SVIL: variants seen among roughly 807,000 people sequenced by gnomAD.
The protein encoded by SVIL is supervillin.
In SVIL, 101 loss-of-function variants were observed where a neutral mutation model predicts 240.4. That is an observed-to-expected ratio of 0.42 (90% CI 0.36 to 0.50). The LOEUF (loss-of-function observed/expected upper bound fraction) is 0.50, where lower values mean the gene tolerates loss of function less well. SVIL is among the 20% of genes least tolerant of loss of function. SVIL has a pLI of 0.01. For missense variants in SVIL, 2,512 were observed against 2,818.7 expected (o/e 0.89, Z 2.46); for synonymous variants, 999 against 1,100.0 (o/e 0.91, Z 1.82).
At chr10:29,699,041 G>T (rs1159067582) in intron 1 of SVIL, among the ~76,000 whole-genome samples, 1 of 152,202 alleles carries the variant, frequency 6.6e-6, no homozygotes, top group East Asian at 1.9e-4. Flanking sequence ...TGGTCCACAG[G>T]CTGGATCTAA....
intron 1 of SVIL, among the ~76,000 whole-genome samples, chr10:29,626,663 G>C (rs1051460328): frequency 5.3e-5 from 8 of 152,160 alleles, no homozygotes; most frequent in African/African-American, 1.9e-4. Context: ...AAAGAAAATA[G>C]ACATACTTAA....
At chr10:29,489,118 G>A (rs1179738144) in intron 22 of SVIL, among the ~76,000 whole-genome samples, 1 of 152,212 alleles carries the variant, frequency 6.6e-6, no homozygotes, top group African/African-American at 2.4e-5. Context: ...ATGTCCAAAT[G>A]TATAGATGCC....
At chr10:29,536,191 G>T in intron 6 of SVIL, 122 bp from the exon 7 acceptor site, 1 of 926,488 alleles carries the variant, frequency 1.1e-6, no homozygotes, top group Admixed American at 2.2e-5. Flanking sequence ...ACTTATAAGT[G>T]GGAGTTAAAC....
chr10:29,666,656 C>T (rs1279387151), intron 2 of SVIL, among the ~76,000 whole-genome samples: 1 of 152,196 alleles, frequency 6.6e-6, no homozygotes, highest in Non-Finnish European at 1.5e-5. Flanking sequence ...CTGAGTACAA[C>T]ACACTGTGTT....
At chr10:29,483,507 G>A (rs1260620829) in intron 27 of SVIL, 1 of 152,208 alleles carries the variant, frequency 6.6e-6, no homozygotes, top group Non-Finnish European at 1.5e-5. Flanking sequence ...TTTTTAAAAG[G>A]CCCCTCAGGT....
chr10:29,645,261 CAAT>C, intron 3 of SVIL, among the ~76,000 whole-genome samples: 1 of 151,860 alleles, frequency 6.6e-6, no homozygotes, highest in Admixed American at 6.6e-5. Context: ...AAAGCCTCAA[CAAT>C]GAGGGGGAAA....
At chr10:29,634,167 C>A (rs1958220117) in intron 1 of SVIL, among the ~76,000 whole-genome samples, 1 of 151,500 alleles carries the variant, frequency 6.6e-6, no homozygotes, top group Non-Finnish European at 1.5e-5. Flanking sequence ...AGTATTAAAC[C>A]TTTCTCTACC....
intron 16 of SVIL, among the ~76,000 whole-genome samples, chr10:29,517,499 T>G (rs1332252480): frequency 6.6e-6 from 1 of 152,230 alleles, no homozygotes; most frequent in Non-Finnish European, 1.5e-5. Context: ...TCTATTCTTA[T>G]TCCTACATAA....
At chr10:29,643,751 A>G (rs910009524) in intron 3 of SVIL, among the ~76,000 whole-genome samples, 2 of 152,000 alleles carry the variant, frequency 1.3e-5, no homozygotes, top group Non-Finnish European at 1.5e-5. Context: ...TTAGCTGAAA[A>G]TCTTTGAGCT....
chr10:29,531,417 C>A, intron 9 of SVIL, 129 bp from the exon 10 acceptor site: 3 of 894,268 alleles, frequency 3.4e-6, no homozygotes, highest in Non-Finnish European at 5.2e-6. Flanking sequence ...CTCCTGGTAG[C>A]AATTCTAGTT....
At chr10:29,699,673 T>G (rs1962356159) in intron 1 of SVIL, among the ~76,000 whole-genome samples, 1 of 152,214 alleles carries the variant, frequency 6.6e-6, no homozygotes, top group Non-Finnish European at 1.5e-5. Context: ...GACGTTTTGC[T>G]TTTTCAGTAA....
chr10:29,615,034 C>T (rs1957381926), intron 1 of SVIL, among the ~76,000 whole-genome samples: 1 of 152,084 alleles, frequency 6.6e-6, no homozygotes, highest in African/African-American at 2.4e-5. Flanking sequence ...AGTTATCCCC[C>T]CATGCTAATA....
chr10:29,578,278 G>A (rs1171488479), intron 1 of SVIL, among the ~76,000 whole-genome samples: 2 of 152,162 alleles, frequency 1.3e-5, no homozygotes, highest in East Asian at 1.9e-4. Context: ...CCATATGCAC[G>A]ATTTCCTTCT....
chr10:29,507,407 C>T (rs1428384203), intron 17 of SVIL, among the ~76,000 whole-genome samples: 2 of 152,140 alleles, frequency 1.3e-5, no homozygotes, highest in African/African-American at 4.8e-5. Context: ...CCATCCAGTC[C>T]ACCTGAAAAT....
chr10:29,604,478 T>C (rs1300252579), intron 1 of SVIL, among the ~76,000 whole-genome samples: 1 of 147,912 alleles, frequency 6.8e-6, no homozygotes, highest in African/African-American at 2.5e-5. Flanking sequence ...CACCTCGGCC[T>C]TCCCAAAGTG....
At chr10:29,679,455 T>C (rs905930439) in intron 2 of SVIL, among the ~76,000 whole-genome samples, 5 of 152,176 alleles carry the variant, frequency 3.3e-5, no homozygotes, top group African/African-American at 1.2e-4. Flanking sequence ...TCAAATATGT[T>C]ATTAGAAAAA....
At chr10:29,697,067 G>A (rs1418944640) in intron 1 of SVIL, among the ~76,000 whole-genome samples, 2 of 129,156 alleles carry the variant, frequency 1.5e-5, no homozygotes, top group African/African-American at 3.0e-5. Flanking sequence ...GGTGAGGGGC[G>A]CCTCTGCCCG....
At chr10:29,725,028 C>CAAAAAAAAAAAAAAAA (rs1187861054) in intron 1 of SVIL, among the ~76,000 whole-genome samples, 2 of 40,942 alleles carry the variant, frequency 4.9e-5, no homozygotes, top group Non-Finnish European at 9.0e-5. Flanking sequence ...GACCCGGTCT[C>CAAAAAAAAAAAAAAAA]AAAAAAAAAA....
chr10:29,697,060 G>A (rs1303359992), intron 1 of SVIL, among the ~76,000 whole-genome samples: 2 of 131,024 alleles, frequency 1.5e-5, no homozygotes, highest in African/African-American at 5.9e-5. Context: ...TCCGGGAGGT[G>A]AGGGGCGCCT....
Sources: gnomAD v4.1 joint callset for allele counts (sites outside exome capture counted in the v4.1 genomes callset) on GRCh38, gnomAD v4.1.1 for gene constraint, MANE v1.5 for transcripts, NCBI Gene and HGNC (gene_info 2026-07-23, HGNC 2026-07-21) for gene names.